Variants in PRKCE observed in about 807,000 individuals in gnomAD.
The protein encoded by PRKCE is protein kinase C epsilon, also known as protein kinase C epsilon type.
Under a neutral mutation model 85.4 loss-of-function variants are expected in PRKCE, and 16 were observed. The observed-to-expected ratio is 0.19, with a 90% CI of 0.13 to 0.28. PRKCE has a LOEUF of 0.28. PRKCE is among the 10% of genes least tolerant of loss of function. The pLI is 1.00. For missense variants in PRKCE, 573 were observed against 975.2 expected (o/e 0.59, Z 5.49); for synonymous variants, 388 against 371.5 (o/e 1.04, Z -0.51).
chr2:45,717,295 T>C (rs1573045873), intron 1 of PRKCE, among the ~76,000 whole-genome samples: 3 of 152,232 alleles, frequency 2.0e-5, no homozygotes, highest in African/African-American at 7.2e-5. Flanking sequence ...TTTGGACCTA[T>C]GGGTTAAAGA....
intron 1 of PRKCE, among the ~76,000 whole-genome samples, chr2:45,662,295 A>G (rs1185642404): frequency 6.6e-6 from 1 of 152,198 alleles, no homozygotes; most frequent in Non-Finnish European, 1.5e-5. Context: ...GAGAGCATAC[A>G]CTCTACTAGG....
At chr2:45,701,634 G>T (rs963655363) in intron 1 of PRKCE, 1 of 152,150 alleles carries the variant, frequency 6.6e-6, no homozygotes, top group Non-Finnish European at 1.5e-5. Context: ...ACAGAGGAGG[G>T]CACCCCACAT....
intron 10 of PRKCE, among the ~76,000 whole-genome samples, chr2:46,074,779 G>A (rs970001708): frequency 1.3e-5 from 2 of 152,196 alleles, no homozygotes; most frequent in African/African-American, 4.8e-5. Flanking sequence ...TGAGCTGCAC[G>A]TGCACTGAGC....
intron 1 of PRKCE, among the ~76,000 whole-genome samples, chr2:45,687,356 A>G (rs1677377572): frequency 1.3e-5 from 2 of 152,222 alleles, no homozygotes; most frequent in African/African-American, 2.4e-5. Flanking sequence ...TCTTAAATAT[A>G]CAGAAAGATA....
intron 1 of PRKCE, among the ~76,000 whole-genome samples, chr2:45,713,883 G>T (rs1375145414): frequency 6.6e-6 from 1 of 152,092 alleles, no homozygotes; most frequent in African/African-American, 2.4e-5. Flanking sequence ...TTACACAAAG[G>T]ACTTTTATTC....
intron 2 of PRKCE, among the ~76,000 whole-genome samples, chr2:45,898,173 C>T (rs1696292895): frequency 6.6e-6 from 1 of 152,182 alleles, no homozygotes; most frequent in African/African-American, 2.4e-5. Context: ...TCTCTAAAAT[C>T]ACAACTCATC....
At chr2:45,898,800 G>A (rs1384101351) in intron 2 of PRKCE, among the ~76,000 whole-genome samples, 1 of 152,164 alleles carries the variant, frequency 6.6e-6, no homozygotes, top group African/African-American at 2.4e-5. Context: ...AGTGGAGAAG[G>A]CCTGCCTTGG....
Position 46,159,616 on chromosome 2 carries a change from A to G in PRKCE, c.1931A>G (p.Lys644Arg). 6.3e-7 allele frequency: 1 copy of G among 1,594,650 alleles called. No homozygotes were observed. Among genetic ancestry groups the G allele is most frequent in the Non-Finnish European group, 8.5e-7 (1 of 1,177,570 alleles). The change falls in exon 14 of 15, where the codon AAG becomes AGG. Residue 644 changes from lysine to arginine, a missense_variant. Lys to Arg is a conservative substitution (Grantham distance 26). Coordinates refer to ENST00000306156, the MANE Select transcript of PRKCE (RefSeq NM_005400.3). This position sits in a 1 kb window ranked among gnomAD's most constrained non-coding sequence, Gnocchi z 4.1. Reference protein sequence around the residue: ...AVSILKAFMTKNPHKRLGCVA... With the variant: ...AVSILKAFMTRNPHKRLGCVA... ...TCCTCATCCCTGCAGTTCATGACGAAGAATCCCCACAAGCGCCTGGGCTGT... is the reference window on the plus strand; with the variant it reads ...TCCTCATCCCTGCAGTTCATGACGAGGAATCCCCACAAGCGCCTGGGCTGT...
At chr2:45,690,762 C>A (rs1426363690) in intron 1 of PRKCE, among the ~76,000 whole-genome samples, 2 of 152,160 alleles carry the variant, frequency 1.3e-5, no homozygotes, top group Non-Finnish European at 2.9e-5. Context: ...GTATAATGAT[C>A]TGAAGTGAAG....
chr2:46,000,568 C>T (rs894952023), intron 6 of PRKCE, among the ~76,000 whole-genome samples: 3 of 152,064 alleles, frequency 2.0e-5, no homozygotes, highest in African/African-American at 7.2e-5. Context: ...TCTCTCCCCA[C>T]GTTCCCCACC....
At chr2:45,949,387 T>G (rs1700459039) in intron 2 of PRKCE, among the ~76,000 whole-genome samples, 1 of 150,464 alleles carries the variant, frequency 6.6e-6, no homozygotes, top group Non-Finnish European at 1.5e-5. Flanking sequence ...GATGAATTGT[T>G]CATTTATTTT....
At chr2:45,729,125 G>A (rs894295397) in intron 1 of PRKCE, among the ~76,000 whole-genome samples, 1 of 152,188 alleles carries the variant, frequency 6.6e-6, no homozygotes, top group African/African-American at 2.4e-5. Flanking sequence ...CCAAAGGAAG[G>A]AGTTCCAAAG....
chr2:45,710,773 C>T (rs1015546964), intron 1 of PRKCE, among the ~76,000 whole-genome samples: 5 of 152,172 alleles, frequency 3.3e-5, no homozygotes, highest in African/African-American at 9.7e-5. Flanking sequence ...ACTGATATAC[C>T]ATTGTTTGCC....
intron 11 of PRKCE, among the ~76,000 whole-genome samples, chr2:46,101,782 C>A (rs977086538): frequency 1.4e-5 from 2 of 147,734 alleles, no homozygotes; most frequent in Non-Finnish European, 3.0e-5. Context: ...CGAGGACACT[C>A]GGTCTCATAG....
intron 11 of PRKCE, among the ~76,000 whole-genome samples, chr2:46,107,461 C>T (rs1342001492): frequency 6.6e-6 from 1 of 152,164 alleles, no homozygotes; most frequent in African/African-American, 2.4e-5. Context: ...TTTATCCATT[C>T]ACTATTGAAG....
At chr2:45,771,831 C>A (rs1002155169) in intron 1 of PRKCE, among the ~76,000 whole-genome samples, 1 of 151,890 alleles carries the variant, frequency 6.6e-6, no homozygotes, top group African/African-American at 2.4e-5. Context: ...CTGCTATTTC[C>A]CTGGGGTCCC....
intron 1 of PRKCE, among the ~76,000 whole-genome samples, chr2:45,797,376 A>C (rs34462527): frequency 0.2 from 30,077 of 152,198 alleles, 3,507 homozygotes; most frequent in East Asian, 0.31. Context: ...TGCGGTAACC[A>C]CACACCCTGG....
intron 1 of PRKCE, among the ~76,000 whole-genome samples, chr2:45,737,588 G>A (rs1682186356): frequency 2.0e-5 from 3 of 151,932 alleles, no homozygotes; most frequent in Admixed American, 6.6e-5. Context: ...GTATCCTCTC[G>A]CCTGTGATGT....
intron 2 of PRKCE, among the ~76,000 whole-genome samples, chr2:45,886,001 C>A (rs976035419): frequency 6.6e-6 from 1 of 152,214 alleles, no homozygotes; most frequent in Non-Finnish European, 1.5e-5. Context: ...GAACGTGAAT[C>A]TTTCCCACTG....
Sources: allele counts gnomAD v4.1 joint callset (sites outside exome capture counted in the v4.1 genomes callset), GRCh38; gene constraint gnomAD v4.1.1; non-coding constraint Gnocchi (gnomAD v3.1); transcripts MANE v1.5; gene names NCBI Gene and HGNC (gene_info 2026-07-23, HGNC 2026-07-21).